LCOR: variants seen among roughly 807,000 people sequenced by gnomAD.
The protein encoded by LCOR is ligand dependent nuclear receptor corepressor.
In LCOR, 14 loss-of-function variants were observed where a neutral mutation model predicts 64.4. That is an observed-to-expected ratio of 0.22 (90% confidence interval 0.14 to 0.34). LCOR has a LOEUF of 0.34. Among genes scored for constraint, LCOR ranks in the 10% least tolerant of loss-of-function variants. The pLI is 1.00. For synonymous variants in LCOR, 643 were observed against 642.5 expected, an observed-to-expected ratio of 1.00 and a Z score of -0.01; for missense variants, 1,686 against 1,765.3, an observed-to-expected ratio of 0.96 and a Z score of 0.80.
intron 2 of LCOR, among the ~76,000 whole-genome samples, chr10:96,897,475 C>T (rs762751366): frequency 1.6e-4 from 25 of 152,122 alleles, no homozygotes; most frequent in Non-Finnish European, 2.8e-4. Flanking sequence ...GTTTGATATA[C>T]TAGAAAAAAT....
intron 4 of LCOR, among the ~76,000 whole-genome samples, chr10:96,930,257 A>G (rs369594392): frequency 2.6e-5 from 4 of 152,178 alleles, no homozygotes; most frequent in African/African-American, 7.2e-5. Flanking sequence ...CTGTCCTTAC[A>G]CCAGTACCAC....
intron 4 of LCOR, among the ~76,000 whole-genome samples, chr10:96,911,044 C>T (rs960962583): frequency 1.3e-5 from 2 of 150,498 alleles, no homozygotes; most frequent in African/African-American, 2.4e-5. Flanking sequence ...GGAAAGGCAA[C>T]TAACATGTTC....
chr10:96,903,403 G>A (rs986024704), intron 2 of LCOR, among the ~76,000 whole-genome samples: 4 of 152,084 alleles, frequency 2.6e-5, no homozygotes, highest in Admixed American at 6.6e-5. Context: ...ACATCGTTGT[G>A]TGGCATGTGA....
intron 2 of LCOR, among the ~76,000 whole-genome samples, chr10:96,841,468 A>G (rs939791524): frequency 4.0e-5 from 6 of 149,610 alleles, no homozygotes; most frequent in African/African-American, 1.5e-4. Flanking sequence ...TGAAGCAATT[A>G]TCTTGCCTTA....
At chr10:96,925,387 T>A (rs1311908486) in intron 4 of LCOR, among the ~76,000 whole-genome samples, 1 of 152,214 alleles carries the variant, frequency 6.6e-6, no homozygotes, top group Non-Finnish European at 1.5e-5. Context: ...TTATTTATTT[T>A]TAATGACAAT....
intron 4 of LCOR, among the ~76,000 whole-genome samples, chr10:96,940,562 C>G (rs1434086468): frequency 1.9e-5 from 2 of 106,296 alleles, no homozygotes; most frequent in Non-Finnish European, 3.9e-5. Flanking sequence ...CAAAGCACAT[C>G]TTGCACCGCC....
At chr10:96,972,661 A>G (rs935028598) in intron 7 of LCOR, among the ~76,000 whole-genome samples, 1 of 152,210 alleles carries the variant, frequency 6.6e-6, no homozygotes, top group Non-Finnish European at 1.5e-5. Flanking sequence ...AATAGGAGAT[A>G]CAATATATAA....
intron 7 of LCOR, among the ~76,000 whole-genome samples, chr10:96,968,325 T>C (rs1253872588): frequency 6.6e-6 from 1 of 152,212 alleles, no homozygotes; most frequent in African/African-American, 2.4e-5. Context: ...CGTACCACTT[T>C]GGCATTCTTG....
chr10:96,968,446 G>T (rs545109763), intron 7 of LCOR, among the ~76,000 whole-genome samples: 1 of 152,162 alleles, frequency 6.6e-6, no homozygotes, highest in Non-Finnish European at 1.5e-5. Context: ...GCAAACTTAC[G>T]CTGCTTTTTA....
intron 2 of LCOR, among the ~76,000 whole-genome samples, chr10:96,887,771 C>T (rs903510824): frequency 4.6e-5 from 7 of 151,288 alleles, no homozygotes; most frequent in Non-Finnish European, 7.4e-5. Flanking sequence ...ACCTCTGCCT[C>T]CTGGGTTCAA....
rs569493187 is a variant in LCOR, at chr10:96,862,315, C to T, written c.-330+28836C>T. On this transcript the variant is annotated intron_variant, in intron 2 of 7. Transcript: ENST00000421806. ...TTGAGATAGCGTCTCACTTTGTTGC[C>T]CAGGCTGGAGTGCTGTGGCATAACC... is the stretch of plus-strand genomic sequence containing the variant. Among the ~76,000 whole-genome samples, 458 of 152,172 alleles carry T rather than the reference C, an allele frequency of 3.0e-3. 3 individuals are homozygous for T. Among genetic ancestry groups the T allele is most frequent in the African/African-American group, 0.011 (438 of 41,516 alleles).
intron 2 of LCOR, among the ~76,000 whole-genome samples, chr10:96,890,585 C>T (rs1298183900): frequency 5.3e-5 from 8 of 152,056 alleles, no homozygotes; most frequent in Non-Finnish European, 1.2e-4. Context: ...CTTGCTAGAA[C>T]TTCTAGACAA....
intron 2 of LCOR, among the ~76,000 whole-genome samples, chr10:96,836,096 G>A (rs1477469843): frequency 3.9e-5 from 6 of 152,200 alleles, no homozygotes; most frequent in African/African-American, 9.7e-5. Context: ...GCTAAAAATA[G>A]GACAGCAGAT....
intron 2 of LCOR, among the ~76,000 whole-genome samples, chr10:96,900,266 A>G (rs963651784): frequency 3.9e-5 from 6 of 152,072 alleles, no homozygotes; most frequent in African/African-American, 1.2e-4. Context: ...CATTGTATGG[A>G]TATACCACAT....
At chr10:96,944,556 C>T (rs990855408) in intron 5 of LCOR, among the ~76,000 whole-genome samples, 1 of 148,938 alleles carries the variant, frequency 6.7e-6, no homozygotes, top group African/African-American at 2.5e-5. Context: ...GAGACAGTTA[C>T]TGTTTTAATC....
At chr10:96,858,796 T>A (rs1433327866) in intron 2 of LCOR, among the ~76,000 whole-genome samples, 1 of 152,222 alleles carries the variant, frequency 6.6e-6, no homozygotes, top group Non-Finnish European at 1.5e-5. Flanking sequence ...TCCGTACTTT[T>A]AACAAGCATG....
intron 7 of LCOR, among the ~76,000 whole-genome samples, chr10:96,974,212 C>T (rs114410070): frequency 4.6e-5 from 7 of 152,236 alleles, no homozygotes; most frequent in African/African-American, 1.7e-4. Context: ...GATAGGAAGA[C>T]AGTGGTCAAG....
chr10:96,895,106 C>T (rs528038650), intron 2 of LCOR, among the ~76,000 whole-genome samples: 82 of 152,222 alleles, frequency 5.4e-4, no homozygotes, highest in Non-Finnish European at 1.1e-3. Flanking sequence ...TACTGATTCC[C>T]AATTTTATAT....
At chr10:96,933,022 G>T (rs1847289716) in intron 4 of LCOR, among the ~76,000 whole-genome samples, 1 of 152,156 alleles carries the variant, frequency 6.6e-6, no homozygotes, top group Non-Finnish European at 1.5e-5. Flanking sequence ...TGGTCTAATT[G>T]CAAATTATGG....
Sources: gnomAD v4.1 joint callset for allele counts (sites outside exome capture counted in the v4.1 genomes callset) on GRCh38, gnomAD v4.1.1 for gene constraint, MANE v1.5 for transcripts, NCBI Gene and HGNC (gene_info 2026-07-23, HGNC 2026-07-21) for gene names.